Variants in BANP observed in about 807,000 individuals in gnomAD.
The protein encoded by BANP is protein BANP.
In BANP, 11 loss-of-function variants were observed where a neutral mutation model predicts 68.1. The observed-to-expected ratio is 0.16, with a 90% CI of 0.10 to 0.27. BANP has a LOEUF of 0.27. BANP is among the 10% of genes least tolerant of loss of function. The pLI is 1.00. For missense variants in BANP, 504 were observed against 722.7 expected (o/e 0.70, Z 3.47); for synonymous variants, 329 against 303.2 (o/e 1.09, Z -0.88).
chr16:87,988,242 G>A (rs894401493), intron 4 of BANP, among the ~76,000 whole-genome samples: 1 of 152,104 alleles, frequency 6.6e-6, no homozygotes, highest in African/African-American at 2.4e-5. Context: ...GAATAATAAG[G>A]TGCTTCTATG....
chr16:88,037,759 G>T, intron 10 of BANP: 4 of 596,846 alleles, frequency 6.7e-6, no homozygotes, highest in Admixed American at 3.0e-5. Context: ...TGCTTTTTGA[G>T]TTGTTTGTTC....
chr16:88,071,331 C>G lies in BANP; in HGVS notation c.1378-738C>G, dbSNP rs1172243734. ...TGGGCCGTCTTGACACCGGAGCTGC[C>G]TGCCTGGATGTTGGAGCGCCCAGTG... On this transcript the variant is annotated intron_variant, in intron 12 of 13. Coordinates refer to ENST00000682872, the MANE Select transcript of BANP (RefSeq NM_001386991.1). This position sits in a 1 kb window ranked among gnomAD's most constrained non-coding sequence, Gnocchi z 6.5. The G allele has an allele frequency of 5.3e-6, 2 of 375,054 alleles. No individual in the cohort carries two copies. The highest frequency in any genetic ancestry group is 1.1e-5 in the Non-Finnish European group (2 of 188,062). 23.2% of individuals were successfully genotyped at this position (375,054 alleles called of 1,614,324 possible).
intron 6 of BANP, among the ~76,000 whole-genome samples, 163 bp downstream of exon 6, chr16:88,006,428 C>G (rs889775133): frequency 7.5e-5 from 11 of 146,354 alleles, no homozygotes; most frequent in Non-Finnish European, 1.4e-4. Flanking sequence ...GGGCGGATCA[C>G]CTGAAGTCGG....
intron 2 of BANP, among the ~76,000 whole-genome samples, chr16:87,976,064 G>C (rs1047972532): frequency 6.6e-6 from 1 of 152,218 alleles, no homozygotes; most frequent in Admixed American, 6.5e-5. Context: ...TTCATTCACA[G>C]GTGCCCCCTC....
chr16:87,962,705 G>T (rs925321344), intron 1 of BANP, among the ~76,000 whole-genome samples: 1 of 152,158 alleles, frequency 6.6e-6, no homozygotes, highest in African/African-American at 2.4e-5. Context: ...AAGCAGTGTT[G>T]CCTGAATGAC....
chr16:88,054,852 C>G (rs930217727), intron 11 of BANP, among the ~76,000 whole-genome samples: 4 of 152,160 alleles, frequency 2.6e-5, no homozygotes, highest in African/African-American at 9.7e-5. Flanking sequence ...AAAGCCTTCA[C>G]AGTGTTGAAT....
At chr16:88,058,362 C>T (rs1273675782) in intron 11 of BANP, among the ~76,000 whole-genome samples, 1 of 152,198 alleles carries the variant, frequency 6.6e-6, no homozygotes, top group African/African-American at 2.4e-5. Flanking sequence ...ATGTCAGGCG[C>T]CTTCGTCGAC....
At chr16:88,075,895 C>T (rs562622180) in intron 13 of BANP, among the ~76,000 whole-genome samples, 36 of 149,118 alleles carry the variant, frequency 2.4e-4, no homozygotes, top group African/African-American at 8.8e-4. Flanking sequence ...TACAGGTGTG[C>T]ACCGCCACAC....
At position 88,019,355 on chromosome 16, in the gene BANP, A is replaced by G. The variant is rs143984736; in HGVS notation, c.895+688A>G. On this transcript the variant is annotated intron_variant, in intron 7 of 13. Transcript: ENST00000682872. ...GCCGTCCTCCTGGCTTCTAACGAAGATGTAAAGTGAAGCAGCAGCAAACGC... is the reference window on the plus strand; with the variant it reads ...GCCGTCCTCCTGGCTTCTAACGAAGGTGTAAAGTGAAGCAGCAGCAAACGC... 4.3e-3 allele frequency among the ~76,000 whole-genome samples: 648 copies of G among 152,136 alleles called. 5 individuals are homozygous for G. The highest frequency in any genetic ancestry group is 0.014 in the African/African-American group (585 of 41,496).
At chr16:88,031,908 G>A (rs2078267003) in intron 8 of BANP, among the ~76,000 whole-genome samples, 1 of 151,216 alleles carries the variant, frequency 6.6e-6, no homozygotes, top group African/African-American at 2.4e-5. Flanking sequence ...AGGTTCAAGT[G>A]GTTCTCCTAC....
At chr16:88,047,415 C>G (rs138186786) in intron 11 of BANP, among the ~76,000 whole-genome samples, 1 of 152,352 alleles carries the variant, frequency 6.6e-6, no homozygotes, top group Non-Finnish European at 1.5e-5. Context: ...CTTGCTCCTT[C>G]CCCCAAACCA....
Position 87,957,799 on chromosome 16 carries a change from G to A in BANP, c.-69+6284G>A, listed in dbSNP as rs2058386012. Among the ~76,000 whole-genome samples the A allele has an allele frequency of 6.6e-6, 1 of 152,224 alleles. No individual in the cohort carries two copies. Among genetic ancestry groups the A allele is most frequent in the Non-Finnish European group, 1.5e-5 (1 of 68,048 alleles). On this transcript the variant is annotated intron_variant, in intron 1 of 13. Transcript: ENST00000682872. The surrounding 1 kb of genome is among the most constrained non-coding windows in gnomAD (Gnocchi z 4.3). ...CTTCACCTTTCACCAGATGACGCGGGGGGAATTGGGCCACGGTCCCTGCTG... is the reference window on the plus strand; with the variant it reads ...CTTCACCTTTCACCAGATGACGCGGAGGGAATTGGGCCACGGTCCCTGCTG...
intron 2 of BANP, among the ~76,000 whole-genome samples, chr16:87,978,195 A>G (rs1197781177): frequency 3.3e-5 from 5 of 152,234 alleles, no homozygotes; most frequent in Non-Finnish European, 5.9e-5. Context: ...AAAGTAATGC[A>G]TACAGAATTA....
At chr16:87,989,001 G>T (rs2065193546) in intron 4 of BANP, among the ~76,000 whole-genome samples, 1 of 152,180 alleles carries the variant, frequency 6.6e-6, no homozygotes, top group Non-Finnish European at 1.5e-5. Flanking sequence ...TCACTCTCTG[G>T]AACACAAGAA....
chr16:88,013,175 C>T (rs1329208454), intron 6 of BANP, among the ~76,000 whole-genome samples: 3 of 152,244 alleles, frequency 2.0e-5, no homozygotes, highest in Admixed American at 2.0e-4. Flanking sequence ...CCCAGTCTGC[C>T]TCTCACTTGG....
intron 7 of BANP, among the ~76,000 whole-genome samples, chr16:88,025,560 C>T (rs1453401192): frequency 6.6e-6 from 1 of 152,220 alleles, no homozygotes; most frequent in Admixed American, 6.5e-5. Context: ...CAAATCCCAC[C>T]GTCCTGACTG....
Position 88,076,693 on chromosome 16 carries a change from G to C in BANP, c.*32G>C. On this transcript the variant is annotated 3_prime_UTR_variant, in exon 14 of 14. Transcript: ENST00000682872. ...CCCATGGCACCAGGAGCCCCTCGCC[G>C]GCTCCGCCTACGGCCCGGCCCCCAC... The C allele has an allele frequency of 6.3e-7, 1 of 1,588,074 alleles. No individual in the cohort carries two copies. Among genetic ancestry groups the C allele is most frequent in the Non-Finnish European group, 8.5e-7 (1 of 1,169,976 alleles).
At chr16:87,992,247 A>T (rs1202301303) in intron 4 of BANP, among the ~76,000 whole-genome samples, 6 of 152,110 alleles carry the variant, frequency 3.9e-5, no homozygotes, top group Non-Finnish European at 8.8e-5. Flanking sequence ...TGCTATACTG[A>T]TCAGTTTTCT....
chr16:87,977,869 C>T (rs933259649), intron 2 of BANP, among the ~76,000 whole-genome samples: 1 of 151,504 alleles, frequency 6.6e-6, no homozygotes, highest in African/African-American at 2.4e-5. Context: ...CAGAGGTTTG[C>T]TCTGTTGCCA....
Sources: gnomAD v4.1 joint callset for allele counts (sites outside exome capture counted in the v4.1 genomes callset) on GRCh38, gnomAD v4.1.1 for gene constraint, Gnocchi (gnomAD v3.1) non-coding constraint, MANE v1.5 for transcripts, NCBI Gene and HGNC (gene_info 2026-07-23, HGNC 2026-07-21) for gene names.